ZNF813: variants seen among roughly 807,000 people sequenced by gnomAD.
ZNF813 encodes zinc finger protein 813.
A neutral mutation model predicts 7.2 loss-of-function variants in ZNF813; 3 were observed. The ratio of observed to expected loss-of-function variants is 0.42; its 90% CI spans 0.19 to 1.08. ZNF813 has a LOEUF of 1.08. Among genes scored for constraint, ZNF813 ranks in the 50% least tolerant of loss-of-function variants. ZNF813 has a pLI of 0.30. For missense variants in ZNF813, 714 were observed against 753.3 expected, an observed-to-expected ratio of 0.95 and a Z score of 0.61; for synonymous variants, 227 against 256.3, an observed-to-expected ratio of 0.89 and a Z score of 1.09.
At chr19:53,482,712 GTT>G (rs869250512) in intron 1 of ZNF813, among the ~76,000 whole-genome samples, 28,356 of 88,604 alleles carry the variant, frequency 0.32, 3,479 homozygotes, top group Middle Eastern at 0.48. Context: ...AATGCTTTTT[GTT>G]TTTTTTTTTT....
chr19:53,468,805 ACATTC>A (rs142719175), intron 1 of ZNF813, among the ~76,000 whole-genome samples: 10,703 of 152,102 alleles, frequency 0.07, 762 homozygotes, highest in African/African-American at 0.19. Context: ...TTACACCTAG[ACATTC>A]CATTCCCAGG....
chr19:53,468,379 G>A (rs1568824792), intron 1 of ZNF813, among the ~76,000 whole-genome samples: 1 of 152,146 alleles, frequency 6.6e-6, no homozygotes, highest in African/African-American at 2.4e-5. Context: ...TTCTCGTCAG[G>A]TGGGAAGAGA....
In ZNF813 at chr19:53,479,356, G is replaced by T. The variant is rs1167857803; in HGVS notation, c.-73-4394G>T. On this transcript the variant is annotated intron_variant, in intron 1 of 3. Transcript: ENST00000396403. Reference sequence around the variant, plus strand: ...CAGTAGCTGGGTGGGCACCATGGCTGGGATCACCACCATCGAGGCAGTGAA... The same window carrying T: ...CAGTAGCTGGGTGGGCACCATGGCTTGGATCACCACCATCGAGGCAGTGAA... 3 of 1,590,530 alleles carry T rather than the reference G, an allele frequency of 1.9e-6. No individual in the cohort carries two copies. The East Asian group carries it at 6.7e-5, about 36-fold the overall frequency.
intron 1 of ZNF813, among the ~76,000 whole-genome samples, chr19:53,482,417 T>C (rs186053877): frequency 0.012 from 1,843 of 152,312 alleles, 22 homozygotes; most frequent in Non-Finnish European, 0.014. Flanking sequence ...CCCCTGCCAG[T>C]GTCCAGCCTC....
intron 1 of ZNF813, among the ~76,000 whole-genome samples, chr19:53,478,062 T>C (rs927147596): frequency 3.9e-5 from 6 of 152,322 alleles, no homozygotes; most frequent in East Asian, 1.9e-4. Context: ...CAGTGACTTA[T>C]TCAGTTGTGA....
At chr19:53,480,470 T>A (rs1385696442) in intron 1 of ZNF813, among the ~76,000 whole-genome samples, 1 of 152,200 alleles carries the variant, frequency 6.6e-6, no homozygotes, top group Non-Finnish European at 1.5e-5. Flanking sequence ...ATTTACCTGT[T>A]GACCCCAGAA....
intron 1 of ZNF813, among the ~76,000 whole-genome samples, chr19:53,472,984 C>T (rs150822637): frequency 9.7e-4 from 147 of 152,110 alleles, no homozygotes; most frequent in Non-Finnish European, 1.8e-3. Context: ...TCTTAGTTAT[C>T]CTGTTCCCTG....
chr19:53,483,205 C>T (rs932483478), intron 1 of ZNF813, among the ~76,000 whole-genome samples: 3 of 151,754 alleles, frequency 2.0e-5, no homozygotes, highest in East Asian at 1.9e-4. Flanking sequence ...CCACCGTGCC[C>T]GGCTCAATTT....
chr19:53,475,174 A>G (rs1335707346), intron 1 of ZNF813, among the ~76,000 whole-genome samples: 1 of 152,182 alleles, frequency 6.6e-6, no homozygotes, highest in African/African-American at 2.4e-5. Flanking sequence ...CATGCAAGGT[A>G]GTAAAAGCAT....
At chr19:53,478,100 G>A (rs115811723) in intron 1 of ZNF813, among the ~76,000 whole-genome samples, 2,283 of 152,164 alleles carry the variant, frequency 0.015, 57 homozygotes, top group African/African-American at 0.051. Flanking sequence ...TCGCAGGGCT[G>A]GGGTAGGAAG....
chr19:53,473,699 C>A lies in ZNF813; in HGVS notation c.-74+5910C>A, dbSNP rs530326953. ...TGGATCTGTCAGACTTATCGGCATTCTTTCTCATATTCAGTTATGGGCTTC... is the reference window on the plus strand; with the variant it reads ...TGGATCTGTCAGACTTATCGGCATTATTTCTCATATTCAGTTATGGGCTTC... On this transcript the variant is annotated intron_variant, in intron 1 of 3. Coordinates refer to ENST00000396403, the MANE Select transcript of ZNF813 (RefSeq NM_001004301.4). Among the ~76,000 whole-genome samples the A allele has an allele frequency of 4.6e-5, 7 of 152,330 alleles. No homozygotes were observed. The East Asian group carries it at 1.3e-3, about 29-fold the overall frequency.
Position 53,468,163 on chromosome 19 carries a change from C to T in ZNF813, c.-74+374C>T, listed in dbSNP as rs575548677. On this transcript the variant is annotated intron_variant, in intron 1 of 3. Coordinates refer to ENST00000396403, the MANE Select transcript of ZNF813 (RefSeq NM_001004301.4). ...GGCCCCAGTCCCGGGAAGGCCGCGTCCTCTGTCTGGTCCCGGGATCCTGCA... is the reference window on the plus strand; with the variant it reads ...GGCCCCAGTCCCGGGAAGGCCGCGTTCTCTGTCTGGTCCCGGGATCCTGCA... Among the ~76,000 whole-genome samples the T allele has an allele frequency of 5.3e-5, 8 of 152,104 alleles. No individual in the cohort carries two copies. In the South Asian group the frequency reaches 1.5e-3, roughly 28 times the overall value.
chr19:53,486,446 CAA>C (rs71304182), intron 2 of ZNF813, among the ~76,000 whole-genome samples, 184 bp from the exon 3 acceptor site: 2 of 133,650 alleles, frequency 1.5e-5, no homozygotes, highest in Non-Finnish European at 3.2e-5. Flanking sequence ...GACTCCACCT[CAA>C]AAAAAAAAAA....
At chr19:53,487,469 G>A (rs1351109017) in intron 3 of ZNF813, among the ~76,000 whole-genome samples, 3 of 152,092 alleles carry the variant, frequency 2.0e-5, no homozygotes, top group East Asian at 1.9e-4. Context: ...TCAGTGGTGC[G>A]ATCTTGGGTC....
rs530797263 is a variant in ZNF813 at position 53,492,259 on chromosome 19, G to A, written c.*173G>A. 77 of 945,754 alleles carry A rather than the reference G, an allele frequency of 8.1e-5. No homozygotes were observed. In the South Asian group the frequency reaches 9.9e-4, roughly 12 times the overall value. 58.6% of individuals were successfully genotyped at this position (945,754 alleles called of 1,614,324 possible). On this transcript the variant is annotated 3_prime_UTR_variant, in exon 4 of 4. Transcript: ENST00000396403. ...TTTAATCAACAAGCACACCTTCCACGTCATCATAGACTTCATAGTGGAGAG... is the reference window on the plus strand; with the variant it reads ...TTTAATCAACAAGCACACCTTCCACATCATCATAGACTTCATAGTGGAGAG...
chr19:53,489,963 T>A (rs947283052), intron 3 of ZNF813, among the ~76,000 whole-genome samples: 2 of 152,222 alleles, frequency 1.3e-5, no homozygotes, highest in African/African-American at 4.8e-5. Flanking sequence ...TGTTGTGGAT[T>A]ATTTACCAAT....
intron 2 of ZNF813, among the ~76,000 whole-genome samples, chr19:53,485,624 A>G (rs1383722945): frequency 6.6e-6 from 1 of 152,098 alleles, no homozygotes; most frequent in African/African-American, 2.4e-5. Context: ...ATATACATGC[A>G]TGTCGTGATA....
At chr19:53,488,227 T>C (rs777971470) in intron 3 of ZNF813, 1 of 455,622 alleles carries the variant, frequency 2.2e-6, no homozygotes, top group South Asian at 1.6e-5. Flanking sequence ...TTCTCCTTTT[T>C]TGTCTGGCCG....
chr19:53,489,801 C>A (rs2086450568), intron 3 of ZNF813, among the ~76,000 whole-genome samples: 2 of 152,002 alleles, frequency 1.3e-5, no homozygotes, highest in South Asian at 4.1e-4. Context: ...TGGGTTCAAG[C>A]GATTCTTGTG....
Sources: gnomAD v4.1 joint callset for allele counts (sites outside exome capture counted in the v4.1 genomes callset) on GRCh38, gnomAD v4.1.1 for gene constraint, MANE v1.5 for transcripts, NCBI Gene and HGNC (gene_info 2026-07-23, HGNC 2026-07-21) for gene names.